ZNF566: variants seen among roughly 807,000 people sequenced by gnomAD.
ZNF566 encodes the protein zinc finger protein 566.
In ZNF566, 27 loss-of-function variants were observed where a neutral mutation model predicts 32.8. The observed-to-expected ratio is 0.82, with a 90% CI of 0.61 to 1.14. The LOEUF (loss-of-function observed/expected upper bound fraction) is 1.14. Ranked by LOEUF, ZNF566 falls within the 50% of genes most tolerant of loss-of-function variation. ZNF566 has a pLI of 0.00. For missense variants in ZNF566, 402 were observed against 490.4 expected (o/e 0.82, Z 1.70); for synonymous variants, 154 against 159.5 (o/e 0.97, Z 0.26).
chr19:36,489,395 G>T (rs1475499500), intron 1 of ZNF566, 91 bp downstream of exon 1: 4 of 285,192 alleles, frequency 1.4e-5, no homozygotes, highest in Non-Finnish European at 2.8e-5. Context: ...AGACGCAAGC[G>T]CACGCTTTCA....
chr19:36,486,158 A>G (rs538892553), intron 1 of ZNF566, among the ~76,000 whole-genome samples: 3 of 152,244 alleles, frequency 2.0e-5, no homozygotes, highest in Non-Finnish European at 4.4e-5. Context: ...AAAAAGGATT[A>G]AAGAACACTC....
chr19:36,452,974 T>C (rs542892213), intron 4 of ZNF566, among the ~76,000 whole-genome samples: 1 of 151,462 alleles, frequency 6.6e-6, no homozygotes, highest in Admixed American at 6.6e-5. Flanking sequence ...AAAAATTAGC[T>C]GGGTATGGTG....
At chr19:36,483,276 C>A (rs910686587) in intron 1 of ZNF566, among the ~76,000 whole-genome samples, 1 of 152,180 alleles carries the variant, frequency 6.6e-6, no homozygotes, top group Non-Finnish European at 1.5e-5. Flanking sequence ...AATAAATAGA[C>A]ATAAATGTGC....
chr19:36,449,232 T>C lies in ZNF566; in HGVS notation c.1002A>G (p.Thr334=), dbSNP rs1270778039. The change falls in exon 5 of 5, where the codon ACA becomes ACG. Residue 334 remains threonine, a synonymous_variant. Coordinates refer to ENST00000452939, the MANE Select transcript of ZNF566 (RefSeq NM_001145344.1). The part of the protein sequence containing the change: ...SQLIKHQRIH[T]GEKPYECKEC... ...CCTTACATTCGTAAGGTTTCTCACC[T>C]GTATGGATTCTTTGATGTTTAATAA... 2 of 1,613,748 alleles carry C rather than the reference T, an allele frequency of 1.2e-6. No individual in the cohort carries two copies. The highest frequency in any genetic ancestry group is 1.1e-5 in the South Asian group (1 of 91,052).
At chr19:36,458,862 T>C (rs1600145386) in intron 4 of ZNF566, among the ~76,000 whole-genome samples, 1 of 152,206 alleles carries the variant, frequency 6.6e-6, no homozygotes, top group South Asian at 2.1e-4. Context: ...CATATAATTT[T>C]TCTTTTTGAG....
chr19:36,449,763 G>C lies in ZNF566; in HGVS notation c.471C>G (p.Ser157=), dbSNP rs1290180988. ...TGTTAATGATTTGCTGTAATGTGAA[G>C]GATGGATGGTGACTCAAAGTGGGCA... The part of the protein sequence containing the change: ...EDLPTLSHHP[S]FTLQQIINSK... The change falls in exon 5 of 5, where the codon TCC becomes TCG. Residue 157 remains serine, a synonymous_variant. Transcript: ENST00000452939. 1 of 1,614,136 alleles carries C rather than the reference G, an allele frequency of 6.2e-7. No homozygotes were observed. The highest frequency in any genetic ancestry group is 8.5e-7 in the Non-Finnish European group (1 of 1,180,018).
chr19:36,473,437 C>T lies in ZNF566; in HGVS notation c.31G>A (p.Val11Met). 1 of 1,602,648 alleles carries T rather than the reference C, an allele frequency of 6.2e-7. No individual in the cohort carries two copies. Among genetic ancestry groups the T allele is most frequent in the Non-Finnish European group, 8.5e-7 (1 of 1,175,312 alleles). The change falls in exon 3 of 5, where the codon GTG becomes ATG. Residue 11 changes from valine (V) to methionine (M), a missense_variant. Val to Met is a conservative substitution (Grantham distance 21, BLOSUM62 1). Coordinates refer to ENST00000452939, the MANE Select transcript of ZNF566 (RefSeq NM_001145344.1). ...TCCTCCTGAGAGAAGTCTACGGACA[C>T]ATCACTGAACATCACTGACTCCTGG... MAQESVMFSD[V>M]SVDFSQEEWE...
At chr19:36,455,902 G>A (rs1212952767) in intron 4 of ZNF566, among the ~76,000 whole-genome samples, 3 of 151,786 alleles carry the variant, frequency 2.0e-5, no homozygotes. Flanking sequence ...AGCCAGGCAT[G>A]GTGGTGGGCG....
intron 1 of ZNF566, among the ~76,000 whole-genome samples, chr19:36,486,205 A>G (rs1327864189): frequency 6.6e-6 from 1 of 152,248 alleles, no homozygotes; most frequent in Admixed American, 6.5e-5. Context: ...ATACAATTCA[A>G]TGCAGGACCT....
chr19:36,448,674 C>G lies in ZNF566; in HGVS notation c.*303G>C. 4.8e-6 allele frequency: 1 copy of G among 209,100 alleles called. No homozygotes were observed. 13.0% of individuals were successfully genotyped at this position (209,100 alleles called of 1,614,324 possible). On this transcript the variant is annotated 3_prime_UTR_variant, in exon 5 of 5. Coordinates refer to ENST00000452939, the MANE Select transcript of ZNF566 (RefSeq NM_001145344.1). ...CTACATTTCTACAAAAATTCTCTGA[C>G]GTTAAGAAGGTTAGAAAGGTGTTAA...
chr19:36,476,488 A>G, intron 2 of ZNF566, 61 bp downstream of exon 2: 1 of 1,473,876 alleles, frequency 6.8e-7, no homozygotes, highest in Non-Finnish European at 9.4e-7. Flanking sequence ...AGGAAAGCAA[A>G]TGTTTACAGT....
rs1765216615 is a variant in ZNF566, at chr19:36,449,222, G to T, written c.1012C>A (p.Pro338Thr). 2.5e-6 allele frequency: 4 copies of T among 1,614,042 alleles called. No individual in the cohort carries two copies. The highest frequency in any genetic ancestry group is 3.4e-6 in the Non-Finnish European group (4 of 1,180,004). ...TTTTCACATTCCTTACATTCGTAAGGTTTCTCACCTGTATGGATTCTTTGA... is the reference window on the plus strand; with the variant it reads ...TTTTCACATTCCTTACATTCGTAAGTTTTCTCACCTGTATGGATTCTTTGA... ...KHQRIHTGEKPYECKECEKAF... is the reference protein window; with the variant it reads ...KHQRIHTGEKTYECKECEKAF... Residue 338 changes from proline to threonine, a missense_variant, in exon 5 of 5, where the codon CCT (proline) becomes ACT (threonine). Transcript: ENST00000452939.
intron 4 of ZNF566, among the ~76,000 whole-genome samples, chr19:36,463,547 T>C (rs2033534398): frequency 6.9e-6 from 1 of 144,234 alleles, no homozygotes; most frequent in Admixed American, 6.9e-5. Context: ...CTTTTTTTTT[T>C]TTTTTTTTTT....
At chr19:36,477,520 G>GTTTTTTT (rs1568528944) in intron 1 of ZNF566, among the ~76,000 whole-genome samples, 2 of 130,266 alleles carry the variant, frequency 1.5e-5, no homozygotes, top group African/African-American at 6.0e-5. Flanking sequence ...CCAGTTTTCT[G>GTTTTTTT]TTTCTGTTTT....
chr19:36,463,828 C>T lies in ZNF566; in HGVS notation c.232+9083G>A, dbSNP rs182281986. 2.0e-5 allele frequency among the ~76,000 whole-genome samples: 3 copies of T among 151,908 alleles called. No individual in the cohort carries two copies. The East Asian group carries it at 5.8e-4, about 29-fold the overall frequency. On this transcript the variant is annotated intron_variant, in intron 4 of 4. Coordinates refer to ENST00000452939, the MANE Select transcript of ZNF566 (RefSeq NM_001145344.1). ...GCAACCTCCACCTCCCGGGTTCAAGCAATTCTTGTGCCTCAGCCTCCCGAG... is the reference window on the plus strand; with the variant it reads ...GCAACCTCCACCTCCCGGGTTCAAGTAATTCTTGTGCCTCAGCCTCCCGAG...
intron 4 of ZNF566, among the ~76,000 whole-genome samples, chr19:36,452,366 G>A (rs1330459984): frequency 6.6e-6 from 1 of 151,700 alleles, no homozygotes; most frequent in East Asian, 1.9e-4. Context: ...CTTTAGGGTT[G>A]TAAAAGAGGT....
In ZNF566 at chr19:36,446,126, A is replaced by C. The variant is rs1174747088; in HGVS notation, c.*2851T>G. 1.4e-5 allele frequency: 2 copies of C among 143,902 alleles called. No homozygotes were observed. Among genetic ancestry groups the C allele is most frequent in the Non-Finnish European group, 3.1e-5 (2 of 63,982 alleles). The allele number at this position is 143,902 out of a possible 1,614,324, so 8.9% of individuals were successfully genotyped here. ...TAGTTATCCATTTTTCTGTAAAAAC[A>C]TAATAAAATAATTGTGTGTTAATGT... is the stretch of plus-strand genomic sequence containing the variant. On this transcript the variant is annotated 3_prime_UTR_variant, in exon 5 of 5. Transcript: ENST00000452939.
chr19:36,456,624 C>T (rs1169621457), intron 4 of ZNF566: 3 of 151,670 alleles, frequency 2.0e-5, no homozygotes, highest in African/African-American at 7.3e-5. Context: ...GAAGAAATAC[C>T]TAATGTAGAT....
At chr19:36,469,572 C>T (rs901047880) in intron 4 of ZNF566, among the ~76,000 whole-genome samples, 2 of 151,870 alleles carry the variant, frequency 1.3e-5, no homozygotes, top group African/African-American at 2.4e-5. Flanking sequence ...AATATTTGTG[C>T]GACAATAGGG....
Sources: gnomAD v4.1 joint callset for allele counts (sites outside exome capture counted in the v4.1 genomes callset) on GRCh38, gnomAD v4.1.1 for gene constraint, MANE v1.5 for transcripts, NCBI Gene and HGNC (gene_info 2026-07-23, HGNC 2026-07-21) for gene names.